The following VCAN variants were observed in gnomAD, a reference collection of about 807,000 sequenced individuals.
VCAN encodes the protein versican.
VCAN carries 44 observed loss-of-function variants against 245.5 expected under a neutral mutation model. That is an observed-to-expected ratio of 0.18 (90% CI 0.14 to 0.23). The LOEUF is 0.23. VCAN is among the 10% of genes least tolerant of loss of function. The pLI, the probability that VCAN is intolerant of heterozygous loss-of-function variation, is 1.00. For missense variants in VCAN, 3,793 were observed against 4,057.9 expected, an observed-to-expected ratio of 0.93 and a Z score of 1.77; for synonymous variants, 1,413 against 1,437.0, an observed-to-expected ratio of 0.98 and a Z score of 0.38.
chr5:83,537,060 G>C lies in VCAN; in HGVS notation c.4057G>C (p.Glu1353Gln). Residue 1353 changes from glutamate (E) to glutamine (Q), a missense_variant, in exon 8 of 15, where the codon GAA becomes CAA. Physicochemically the swap from Glu to Gln is conservative, Grantham distance 29 (BLOSUM62 2). Around this residue, in one of 5 missense-constraint regions of VCAN, gnomAD observed 3,182 missense variants for 3,250.3 expected, o/e 0.98. Transcript: ENST00000265077. ...TCATCCAATAGATTCAGAATCTAAAGAAGATGAACCTTGTAGTGAAGAAAC... is the reference window on the plus strand; with the variant it reads ...TCATCCAATAGATTCAGAATCTAAACAAGATGAACCTTGTAGTGAAGAAAC... ...IGHPIDSESKEDEPCSEETDP... is the reference protein window; with the variant it reads ...IGHPIDSESKQDEPCSEETDP... 4 of 1,612,396 alleles carry C rather than the reference G, an allele frequency of 2.5e-6. No homozygotes were observed. Among genetic ancestry groups the C allele is most frequent in the Non-Finnish European group, 3.4e-6 (4 of 1,179,464 alleles).
At chr5:83,522,707 A>C (rs970401509) in intron 7 of VCAN, among the ~76,000 whole-genome samples, 1 of 152,180 alleles carries the variant, frequency 6.6e-6, no homozygotes, top group Non-Finnish European at 1.5e-5. Context: ...TACAATGTGG[A>C]CGGCTAAAAT....
chr5:83,498,038 G>A (rs1439719402), intron 5 of VCAN, among the ~76,000 whole-genome samples: 2 of 152,012 alleles, frequency 1.3e-5, no homozygotes, highest in Non-Finnish European at 2.9e-5. Context: ...TGTGACATAG[G>A]CCTATCCTCT....
chr5:83,501,777 T>C (rs1374601541), intron 5 of VCAN, among the ~76,000 whole-genome samples: 1 of 152,182 alleles, frequency 6.6e-6, no homozygotes, highest in Non-Finnish European at 1.5e-5. Flanking sequence ...TCTGGGTTTC[T>C]TGAGTTCCCA....
intron 13 of VCAN, among the ~76,000 whole-genome samples, chr5:83,575,837 TA>T (rs1432593779): frequency 6.6e-6 from 1 of 152,170 alleles, no homozygotes; most frequent in African/African-American, 2.4e-5. Context: ...TAACAAGTTT[TA>T]TAAAATACTG....
chr5:83,545,559 C>T lies in VCAN; in HGVS notation c.9288C>T (p.Asn3096=). ...TAGGACCTGATCGCTGCAAAATGAACCCGTGCCTTAACGGAGGCACCTGTT... is the reference window on the plus strand; with the variant it reads ...TAGGACCTGATCGCTGCAAAATGAATCCGTGCCTTAACGGAGGCACCTGTT... ...YLPGPDRCKM[N]PCLNGGTCYP... Residue 3096 remains asparagine, a synonymous_variant, in exon 9 of 15, where the codon AAC becomes AAT. Coordinates refer to ENST00000265077, the MANE Select transcript of VCAN (RefSeq NM_004385.5). 6.2e-7 allele frequency: 1 copy of T among 1,614,096 alleles called. No homozygotes were observed. The highest frequency in any genetic ancestry group is 8.5e-7 in the Non-Finnish European group (1 of 1,179,978).
rs751963716 is a variant in VCAN at position 83,553,404 on chromosome 5, G to A, written c.9534G>A (p.Gly3178=). 14 of 1,613,930 alleles carry A rather than the reference G, an allele frequency of 8.7e-6. No individual in the cohort carries two copies. The highest frequency in any genetic ancestry group is 3.3e-5 in the Admixed American group (2 of 59,992). The change falls in exon 11 of 15, where the codon GGG becomes GGA. Residue 3178 remains glycine, a synonymous_variant. Coordinates refer to ENST00000265077, the MANE Select transcript of VCAN (RefSeq NM_004385.5). Reference sequence around the variant, plus strand: ...ACTATGGCTGGCACAAATTCCAAGGGCAGTGCTACAAATACTTTGCCCATC... The same window carrying A: ...ACTATGGCTGGCACAAATTCCAAGGACAGTGCTACAAATACTTTGCCCATC... The part of the protein sequence containing the change: ...TCDYGWHKFQ[G]QCYKYFAHRR...
At chr5:83,556,418 C>G (rs975473404) in intron 12 of VCAN, among the ~76,000 whole-genome samples, 2 of 152,150 alleles carry the variant, frequency 1.3e-5, no homozygotes, top group Non-Finnish European at 2.9e-5. Context: ...GTTTCTCTCT[C>G]TGTCACCACT....
At chr5:83,500,965 T>C (rs77689683) in intron 5 of VCAN, among the ~76,000 whole-genome samples, 7 of 152,284 alleles carry the variant, frequency 4.6e-5, no homozygotes, top group South Asian at 4.1e-4. Context: ...CACAGTCTTG[T>C]CAACACTTGC....
At chr5:83,515,029 T>A (rs1250324045) in intron 6 of VCAN, among the ~76,000 whole-genome samples, 1 of 152,238 alleles carries the variant, frequency 6.6e-6, no homozygotes, top group Non-Finnish European at 1.5e-5. Context: ...TGCCAAATCG[T>A]ACCTTGCTTT....
intron 5 of VCAN, among the ~76,000 whole-genome samples, chr5:83,506,237 G>A (rs1459974260): frequency 1.3e-5 from 2 of 152,172 alleles, no homozygotes; most frequent in Non-Finnish European, 2.9e-5. Flanking sequence ...CTTTTCTACT[G>A]CATAGTCAGG....
At chr5:83,500,153 G>A (rs897010270) in intron 5 of VCAN, among the ~76,000 whole-genome samples, 4 of 152,066 alleles carry the variant, frequency 2.6e-5, no homozygotes, top group Non-Finnish European at 5.9e-5. Flanking sequence ...TCCTTACTGG[G>A]CTTATTCAGT....
At chr5:83,493,779 A>G (rs1261422115) in intron 4 of VCAN, 25 bp from the exon 5 acceptor site, 1 of 1,614,168 alleles carries the variant, frequency 6.2e-7, no homozygotes, top group South Asian at 1.1e-5. Flanking sequence ...AGAAAGTGCC[A>G]CTAACTAGCC....
Position 83,520,185 on chromosome 5 carries a change from A to C in VCAN, c.1879A>C (p.Thr627Pro). ...SSMDDWEERQTSGRITEEFLG... is the reference protein window; with the variant it reads ...SSMDDWEERQPSGRITEEFLG... ...CATGGATGACTGGGAAGAGAGACAA[A>C]CTAGTGGTAGGATAACGGAAGAGTT... Residue 627 changes from threonine (T) to proline (P), a missense_variant, in exon 7 of 15, where the codon ACT becomes CCT. Thr to Pro is a conservative substitution (Grantham distance 38). Coordinates refer to ENST00000265077, the MANE Select transcript of VCAN (RefSeq NM_004385.5). 1 of 1,614,040 alleles carries C rather than the reference A, an allele frequency of 6.2e-7. No homozygotes were observed. Among genetic ancestry groups the C allele is most frequent in the Non-Finnish European group, 8.5e-7 (1 of 1,179,966 alleles).
At chr5:83,486,332 G>A (rs1217379055) in intron 2 of VCAN, among the ~76,000 whole-genome samples, 1 of 152,074 alleles carries the variant, frequency 6.6e-6, no homozygotes, top group Admixed American at 6.5e-5. Flanking sequence ...TAGTCATTTT[G>A]TGTGTTGACT....
At chr5:83,560,759 C>T (rs1183705461) in intron 12 of VCAN, among the ~76,000 whole-genome samples, 2 of 152,116 alleles carry the variant, frequency 1.3e-5, no homozygotes, top group Non-Finnish European at 2.9e-5. Context: ...TTAAAGCTGT[C>T]ATATTGCTTC....
intron 5 of VCAN, among the ~76,000 whole-genome samples, chr5:83,501,573 C>T (rs1745331208): frequency 6.6e-6 from 1 of 152,106 alleles, no homozygotes; most frequent in African/African-American, 2.4e-5. Flanking sequence ...ATGACCTTGG[C>T]ACCCTGTTGA....
chr5:83,488,236 A>G (rs1744854725), intron 2 of VCAN, among the ~76,000 whole-genome samples: 1 of 152,246 alleles, frequency 6.6e-6, no homozygotes, highest in Admixed American at 6.5e-5. Flanking sequence ...GTACTTTCAG[A>G]GAGTCCTCTG....
Position 83,522,120 on chromosome 5 carries a change from G to T in VCAN, c.3814G>T (p.Glu1272Ter). The change falls in exon 7 of 15, where the codon GAA becomes TAA. Residue 1272 changes from glutamate (E) to a stop codon, truncating the protein, a stop_gained. Coordinates refer to ENST00000265077, the MANE Select transcript of VCAN (RefSeq NM_004385.5). LOFTEE classifies it high-confidence loss of function. The stretch of plus-strand genomic sequence containing the variant: ...TGAAGATATTGTAGCCAAGGAAACA[G>T]AAACCGATATTGATAGAGAGTATTT... ...TLEDIVAKET[E>*]TDIDREYFTT... 1 of 1,614,040 alleles carries T rather than the reference G, an allele frequency of 6.2e-7. No homozygotes were observed. The highest frequency in any genetic ancestry group is 8.5e-7 in the Non-Finnish European group (1 of 1,180,024).
intron 2 of VCAN, among the ~76,000 whole-genome samples, chr5:83,487,715 C>G (rs1397857881): frequency 6.6e-6 from 1 of 152,034 alleles, no homozygotes; most frequent in Non-Finnish European, 1.5e-5. Context: ...ATATAAACAT[C>G]TAGAACAGTA....
Sources: allele counts gnomAD v4.1 joint callset (sites outside exome capture counted in the v4.1 genomes callset), GRCh38; gene constraint gnomAD v4.1.1; regional missense constraint gnomAD v4.1.1; transcripts MANE v1.5; gene names NCBI Gene and HGNC (gene_info 2026-07-23, HGNC 2026-07-21).